MINK1: variants seen among roughly 807,000 people sequenced by gnomAD.
The protein encoded by MINK1 is misshapen-like kinase 1.
MINK1 carries 46 observed loss-of-function variants against 178.4 expected under a neutral mutation model. The observed-to-expected ratio is 0.26, with a 90% CI of 0.20 to 0.33. The LOEUF is 0.33. MINK1 is among the 10% of genes least tolerant of loss of function. MINK1 has a pLI of 1.00. For missense variants in MINK1, 1,366 were observed against 1,814.9 expected (o/e 0.75, Z 4.49); for synonymous variants, 797 against 709.7 (o/e 1.12, Z -1.96).
intron 5 of MINK1, 140 bp from the exon 6 acceptor site, chr17:4,884,772 G>A (rs1378089479): frequency 8.2e-6 from 6 of 732,574 alleles, no homozygotes; most frequent in East Asian, 2.7e-5. Flanking sequence ...AGCTTGCTTG[G>A]GCTCCTGGTG....
At chr17:4,834,872 A>C in intron 1 of MINK1, 1 of 520,066 alleles carries the variant, frequency 1.9e-6, no homozygotes, top group Non-Finnish European at 3.8e-6. Flanking sequence ...GGTCAGCCAC[A>C]CAGGTGCCCC....
intron 1 of MINK1, among the ~76,000 whole-genome samples, chr17:4,837,874 G>A (rs1909548922): frequency 6.6e-6 from 1 of 152,122 alleles, no homozygotes; most frequent in Non-Finnish European, 1.5e-5. Context: ...TGACAGAGAT[G>A]TTCTTTTTCA....
chr17:4,854,779 T>G (rs572888244), intron 1 of MINK1: 1 of 494,188 alleles, frequency 2.0e-6, no homozygotes, highest in East Asian at 5.7e-5. Context: ...AGAGGACAAG[T>G]ACTTCACGTT....
intron 21 of MINK1, 37 bp downstream of exon 21, chr17:4,893,634 C>A: frequency 6.6e-7 from 1 of 1,505,698 alleles, no homozygotes; most frequent in Non-Finnish European, 8.9e-7. Flanking sequence ...CACTCCAAGG[C>A]ACAGGGAGGG....
intron 1 of MINK1, chr17:4,847,188 T>G (rs767532880): frequency 2.1e-6 from 1 of 484,642 alleles, no homozygotes; most frequent in Non-Finnish European, 4.2e-6. Context: ...GGAGTGAACA[T>G]GGCATGAGGA....
chr17:4,887,909 A>T lies in MINK1; in HGVS notation c.1230+119A>T. ...TTAAATGAATGGCATTTCTGTTGAA[A>T]CAATTATATGATTTCAAATTTCATG... is the stretch of plus-strand genomic sequence containing the variant. On this transcript the variant is annotated intron_variant, in intron 12 of 31. Transcript: ENST00000355280. This position sits in a 1 kb window ranked among gnomAD's most constrained non-coding sequence, Gnocchi z 7.6. 1 of 794,848 alleles carries T rather than the reference A, an allele frequency of 1.3e-6. No individual in the cohort carries two copies. Among genetic ancestry groups the T allele is most frequent in the South Asian group, 2.3e-5 (1 of 44,200 alleles). The allele number at this position is 794,848 out of a possible 1,614,324, so 49.2% of individuals were successfully genotyped here.
In MINK1 at chr17:4,891,665, C is replaced by A; in HGVS notation, c.1950C>A (p.Pro650=). ...ACCCCACCTCTGAAGGACCTGGCCC[C>A]AGCCCGAATCCCCCAGCCTGGGTCC... The part of the protein sequence containing the change: ...NSDPTSEGPG[P]SPNPPAWVRP... The change falls in exon 16 of 32, where the codon CCC becomes CCA. Residue 650 remains proline (P), a synonymous_variant. Coordinates refer to ENST00000355280, the MANE Select transcript of MINK1 (RefSeq NM_153827.5). 6.2e-7 allele frequency: 1 copy of A among 1,600,584 alleles called. No individual in the cohort carries two copies. Among genetic ancestry groups the A allele is most frequent in the East Asian group, 2.3e-5 (1 of 44,278 alleles).
intron 1 of MINK1, among the ~76,000 whole-genome samples, chr17:4,862,201 C>T (rs1242264971): frequency 2.0e-5 from 3 of 152,164 alleles, no homozygotes; most frequent in Non-Finnish European, 2.9e-5. Flanking sequence ...AGAGATGCAG[C>T]AGAGACTCGA....
intron 1 of MINK1, among the ~76,000 whole-genome samples, chr17:4,834,631 C>A (rs900931648): frequency 6.6e-5 from 10 of 152,172 alleles, no homozygotes; most frequent in African/African-American, 2.4e-4. Flanking sequence ...TTATGTTTTT[C>A]TTCGGCAGGG....
At position 4,894,151 on chromosome 17, in the gene MINK1, C is replaced by A; in HGVS notation, c.2671-23C>A. 6.2e-7 allele frequency: 1 copy of A among 1,612,932 alleles called. No individual in the cohort carries two copies. The highest frequency in any genetic ancestry group is 1.1e-5 in the South Asian group (1 of 91,046). On this transcript the variant is annotated intron_variant, in intron 22 of 31. Coordinates refer to ENST00000355280, the MANE Select transcript of MINK1 (RefSeq NM_153827.5). This position sits in a 1 kb window ranked among gnomAD's most constrained non-coding sequence, Gnocchi z 4.1. ...GTGTGTGCCCTCCTCAGCCCCACGC[C>A]AACCCTGCCCTCTGTCCTGTAGACC...
At chr17:4,846,376 C>T (rs892368192) in intron 1 of MINK1, among the ~76,000 whole-genome samples, 3 of 152,220 alleles carry the variant, frequency 2.0e-5, no homozygotes, top group Non-Finnish European at 2.9e-5. Flanking sequence ...CTGCCCAATA[C>T]CGAATGGCCC....
At chr17:4,851,999 CAAAAAAAA>C (rs535581252) in intron 1 of MINK1, among the ~76,000 whole-genome samples, 3 of 69,446 alleles carry the variant, frequency 4.3e-5, no homozygotes, top group African/African-American at 1.3e-4. Flanking sequence ...GACTCTGTCT[CAAAAAAAA>C]AAAAAAAAAA....
rs1327136040 is a variant in MINK1, at chr17:4,896,247, G to A, written c.3520G>A (p.Gly1174Arg). ...GCTGGTCGACCTGACAGTAGAGGAG[G>A]GGCAGCGGCTCAAGGTCATCTATGG... ...PLLVDLTVEE[G>R]QRLKVIYGSS... is the part of the protein sequence containing the mutation. The change falls in exon 29 of 32, where the codon GGG becomes AGG. Residue 1174 changes from glycine (G) to arginine (R), a missense_variant. By Grantham distance (125) the Gly-to-Arg change is moderately radical (BLOSUM62 -2). Transcript: ENST00000355280. This position sits in a 1 kb window ranked among gnomAD's most constrained non-coding sequence, Gnocchi z 4.6. 2 of 1,606,894 alleles carry A rather than the reference G, an allele frequency of 1.2e-6. No homozygotes were observed. The highest frequency in any genetic ancestry group is 2.2e-5 in the East Asian group (1 of 44,856).
At chr17:4,879,539 T>C (rs967312892) in intron 2 of MINK1, among the ~76,000 whole-genome samples, 1 of 152,204 alleles carries the variant, frequency 6.6e-6, no homozygotes, top group African/African-American at 2.4e-5. Flanking sequence ...GTCTCTGGGC[T>C]TGGGGTCTTG....
intron 4 of MINK1, among the ~76,000 whole-genome samples, chr17:4,883,529 T>G (rs1967913315): frequency 6.7e-6 from 1 of 148,624 alleles, no homozygotes; most frequent in Non-Finnish European, 1.5e-5. Context: ...TTGTTTTGGG[T>G]TTTTTGTTTG....
At chr17:4,892,840 C>A in intron 19 of MINK1, 72 bp downstream of exon 19, 1 of 1,457,046 alleles carries the variant, frequency 6.9e-7, no homozygotes, top group South Asian at 1.3e-5. Context: ...CCTTTGGTGG[C>A]TTTGGACTGG....
intron 1 of MINK1, chr17:4,844,487 A>G (rs1354396195): frequency 1.1e-5 from 5 of 462,430 alleles, no homozygotes; most frequent in African/African-American, 6.0e-5. Flanking sequence ...CTCCAGGAGC[A>G]CTTGGCCTCT....
At chr17:4,851,580 C>T (rs1008585536) in intron 1 of MINK1, among the ~76,000 whole-genome samples, 3 of 152,168 alleles carry the variant, frequency 2.0e-5, no homozygotes, top group Non-Finnish European at 2.9e-5. Flanking sequence ...CTGCGCTGAG[C>T]TCTTTTCTCC....
chr17:4,834,897 G>A, intron 1 of MINK1: 1 of 519,568 alleles, frequency 1.9e-6, no homozygotes, highest in Non-Finnish European at 3.9e-6. Flanking sequence ...ATGGCTGGAG[G>A]GGAGAGGGGA....
Sources: gnomAD v4.1 joint callset for allele counts (sites outside exome capture counted in the v4.1 genomes callset) on GRCh38, gnomAD v4.1.1 for gene constraint, Gnocchi (gnomAD v3.1) non-coding constraint, MANE v1.5 for transcripts, NCBI Gene and HGNC (gene_info 2026-07-23, HGNC 2026-07-21) for gene names.